NPR3: variants seen among roughly 807,000 people sequenced by gnomAD.
The protein encoded by NPR3 is atrial natriuretic peptide receptor 3.
NPR3 carries 34 observed loss-of-function variants against 54.5 expected under a neutral mutation model. That is an observed-to-expected ratio of 0.62 (90% CI 0.47 to 0.83). NPR3 has a LOEUF of 0.83. Among genes scored for constraint, NPR3 ranks in the 40% least tolerant of loss-of-function variants. The pLI is 0.00. For synonymous variants in NPR3, 289 were observed against 297.1 expected, an observed-to-expected ratio of 0.97 and a Z score of 0.28; for missense variants, 674 against 720.8, an observed-to-expected ratio of 0.94 and a Z score of 0.74.
chr5:32,738,128 T>A (rs1156444194), intron 2 of NPR3, among the ~76,000 whole-genome samples: 1 of 152,230 alleles, frequency 6.6e-6, no homozygotes, highest in Non-Finnish European at 1.5e-5. Context: ...TTTATTTTAA[T>A]AGCACTAACT....
rs143107406 is a variant in NPR3, at chr5:32,765,036, T to C, written c.1060-9672T>C. On this transcript the variant is annotated intron_variant, in intron 3 of 7. Coordinates refer to ENST00000265074, the MANE Select transcript of NPR3 (RefSeq NM_001204375.2). The stretch of plus-strand genomic sequence containing the variant: ...TTTTTTCTTTTTTTTATAGCAAAGT[T>C]GATAGAAAAGCTTTCAAAAAAATGA... Among the ~76,000 whole-genome samples the C allele has an allele frequency of 6.0e-4, 91 of 152,220 alleles. 1 individual carries two copies. Among genetic ancestry groups the C allele is most frequent in the African/African-American group, 2.0e-3 (85 of 41,534 alleles).
intron 1 of NPR3, among the ~76,000 whole-genome samples, chr5:32,704,139 A>G (rs571725647): frequency 9.2e-5 from 14 of 152,132 alleles, no homozygotes; most frequent in Non-Finnish European, 1.9e-4. Flanking sequence ...AAAAGGCAGC[A>G]CTGGGTCCCA....
intron 1 of NPR3, among the ~76,000 whole-genome samples, chr5:32,694,583 G>A (rs951584731): frequency 6.6e-6 from 1 of 151,942 alleles, no homozygotes; most frequent in African/African-American, 2.4e-5. Flanking sequence ...TACAGAGTAG[G>A]TATATATGTT....
At chr5:32,769,601 C>T (rs1038583776) in intron 3 of NPR3, among the ~76,000 whole-genome samples, 1 of 152,222 alleles carries the variant, frequency 6.6e-6, no homozygotes, top group African/African-American at 2.4e-5. Flanking sequence ...CCCTCCTTTG[C>T]ACTGGGAACC....
At chr5:32,754,946 C>G (rs934156586) in intron 3 of NPR3, among the ~76,000 whole-genome samples, 2 of 152,326 alleles carry the variant, frequency 1.3e-5, no homozygotes, top group Middle Eastern at 3.4e-3. Context: ...CTGCAAGCTC[C>G]GCTTCCCAGG....
At chr5:32,737,904 T>C (rs1258875049) in intron 2 of NPR3, among the ~76,000 whole-genome samples, 1 of 151,988 alleles carries the variant, frequency 6.6e-6, no homozygotes, top group Non-Finnish European at 1.5e-5. Flanking sequence ...TATAAAGTGC[T>C]CAACAAATAG....
chr5:32,721,704 C>T (rs923936290), intron 1 of NPR3, among the ~76,000 whole-genome samples: 1 of 152,190 alleles, frequency 6.6e-6, no homozygotes, highest in Non-Finnish European at 1.5e-5. Context: ...ATGTGTCCAT[C>T]AGAAGGACTT....
At chr5:32,716,732 T>C (rs1289595806) in intron 1 of NPR3, 1 of 153,862 alleles carries the variant, frequency 6.5e-6, no homozygotes, top group Admixed American at 6.5e-5. Context: ...CATTTCCTTT[T>C]TTCCCCCTAC....
chr5:32,745,260 C>G (rs1013522016), intron 3 of NPR3, among the ~76,000 whole-genome samples: 5 of 152,152 alleles, frequency 3.3e-5, no homozygotes, highest in Non-Finnish European at 1.5e-5. Context: ...CCCCTGAAAT[C>G]TAAAGTGAGA....
intron 1 of NPR3, among the ~76,000 whole-genome samples, chr5:32,723,635 T>G (rs1486153907): frequency 6.6e-6 from 1 of 152,244 alleles, no homozygotes; most frequent in African/African-American, 2.4e-5. Flanking sequence ...GTTGACAATT[T>G]TCACTATCTT....
chr5:32,757,002 T>G (rs1041140623), intron 3 of NPR3, among the ~76,000 whole-genome samples: 1 of 152,386 alleles, frequency 6.6e-6, no homozygotes, highest in African/African-American at 2.4e-5. Context: ...TTTTGGTTAC[T>G]GTAGCCTTGT....
chr5:32,778,821 A>G (rs986144976), intron 4 of NPR3, among the ~76,000 whole-genome samples: 1 of 152,190 alleles, frequency 6.6e-6, no homozygotes, highest in African/African-American at 2.4e-5. Flanking sequence ...TACTAGGGCC[A>G]CCTCATCTTA....
At chr5:32,745,956 G>A (rs1248431383) in intron 3 of NPR3, among the ~76,000 whole-genome samples, 2 of 152,142 alleles carry the variant, frequency 1.3e-5, no homozygotes, top group Non-Finnish European at 2.9e-5. Context: ...AAATACTTGA[G>A]CAGGTACATA....
intron 2 of NPR3, among the ~76,000 whole-genome samples, chr5:32,729,125 G>A (rs1388818347): frequency 6.9e-6 from 1 of 143,914 alleles, no homozygotes; most frequent in African/African-American, 2.6e-5. Context: ...CGCCTCCCGG[G>A]TTCACGCCAT....
intron 3 of NPR3, among the ~76,000 whole-genome samples, chr5:32,751,670 G>C (rs910793227): frequency 1.3e-5 from 2 of 152,140 alleles, no homozygotes; most frequent in African/African-American, 4.8e-5. Flanking sequence ...GTATTGATAG[G>C]GGGGTGGGAT....
chr5:32,784,536 TCTCA>T (rs936178358), intron 6 of NPR3, among the ~76,000 whole-genome samples: 1 of 152,192 alleles, frequency 6.6e-6, no homozygotes, highest in Non-Finnish European at 1.5e-5. Context: ...TTTCTTCTGT[TCTCA>T]CTGTGTCCAC....
intron 3 of NPR3, among the ~76,000 whole-genome samples, chr5:32,746,844 A>G (rs193073852): frequency 1.3e-5 from 2 of 152,254 alleles, no homozygotes; most frequent in East Asian, 3.9e-4. Context: ...AGACCCATTC[A>G]CTGACTGTCC....
At chr5:32,693,415 G>C (rs1469823478) in intron 1 of NPR3, among the ~76,000 whole-genome samples, 1 of 152,244 alleles carries the variant, frequency 6.6e-6, no homozygotes, top group Non-Finnish European at 1.5e-5. Context: ...TTGTTCTTCA[G>C]GGAGGGAATG....
In NPR3 at chr5:32,724,729, C is replaced by G; in HGVS notation, c.801C>G (p.Ile267Met). Residue 267 changes from isoleucine (I) to methionine (M), a missense_variant, in exon 2 of 8, where the codon ATC (isoleucine) becomes ATG (methionine). Physicochemically the swap from Ile to Met is conservative, Grantham distance 10 (BLOSUM62 1). Coordinates refer to ENST00000265074, the MANE Select transcript of NPR3 (RefSeq NM_001204375.2). ...VVIMCASSDT[I>M]RSIMLVAHRH... ...TCATGTGTGCGAGCAGTGACACCAT[C>G]CGGAGCATCATGCTGGTGGCGCACA... 6.2e-7 allele frequency: 1 copy of G among 1,613,940 alleles called. No homozygotes were observed.
Sources: gnomAD v4.1 joint callset for allele counts (sites outside exome capture counted in the v4.1 genomes callset) on GRCh38, gnomAD v4.1.1 for gene constraint, MANE v1.5 for transcripts, NCBI Gene and HGNC (gene_info 2026-07-23, HGNC 2026-07-21) for gene names.